The following SNTB1 variants were observed in gnomAD, a reference collection of about 807,000 sequenced individuals.
The protein encoded by SNTB1 is beta-1-syntrophin.
Under a neutral mutation model 48.9 loss-of-function variants are expected in SNTB1, and 36 were observed. That is an observed-to-expected ratio of 0.74 (90% CI 0.56 to 0.97). The LOEUF (loss-of-function observed/expected upper bound fraction) is 0.97, where lower values mean the gene tolerates loss of function less well. Ranked by LOEUF, SNTB1 falls within the 50% of genes least tolerant of loss-of-function variation. The probability of loss-of-function intolerance (pLI) is 0.00; values close to 1 mark genes in which losing one functional copy is unlikely to be tolerated. For synonymous variants in SNTB1, 299 were observed against 294.6 expected, an observed-to-expected ratio of 1.01 and a Z score of -0.15; for missense variants, 786 against 703.4, an observed-to-expected ratio of 1.12 and a Z score of -1.33.
intron 2 of SNTB1, among the ~76,000 whole-genome samples, chr8:120,647,429 T>TA (rs1172634712): frequency 6.7e-6 from 1 of 149,262 alleles, no homozygotes; most frequent in Non-Finnish European, 1.5e-5. Flanking sequence ...ATGTACCCAG[T>TA]AGTCATTCAG....
intron 3 of SNTB1, among the ~76,000 whole-genome samples, chr8:120,602,791 TTA>T (rs773482710): frequency 6.6e-6 from 1 of 150,622 alleles, no homozygotes; most frequent in African/African-American, 2.4e-5. Context: ...TTTTTAAAAA[TTA>T]TATATATAAA....
intron 4 of SNTB1, chr8:120,570,314 G>T (rs916716501): frequency 1.3e-5 from 2 of 152,136 alleles, no homozygotes; most frequent in Admixed American, 6.5e-5. Context: ...GTCACTCCTT[G>T]GACATTTGTT....
At chr8:120,603,723 G>C (rs954984610) in intron 3 of SNTB1, among the ~76,000 whole-genome samples, 1 of 152,148 alleles carries the variant, frequency 6.6e-6, no homozygotes, top group Non-Finnish European at 1.5e-5. Flanking sequence ...GGAAACTGCT[G>C]GGTCCTATGT....
intron 1 of SNTB1, among the ~76,000 whole-genome samples, chr8:120,781,627 C>A (rs568255019): frequency 2.0e-5 from 3 of 152,162 alleles, no homozygotes; most frequent in African/African-American, 7.2e-5. Flanking sequence ...CCCAGCATTC[C>A]TACTAGGTCT....
intron 1 of SNTB1, among the ~76,000 whole-genome samples, chr8:120,773,245 T>C (rs1819671850): frequency 6.6e-6 from 1 of 152,170 alleles, no homozygotes; most frequent in South Asian, 2.1e-4. Flanking sequence ...AGGCCGGGCA[T>C]GATGGTTCAT....
rs1381925836 is a variant in SNTB1, at chr8:120,548,910, A to G, written c.1185T>C (p.Asp395=). ...PGKGSPQAGV[D]LSFATRTGTR... ...TACCAGTTCGCGTTGCAAAGGACAG[A>G]TCCACACCAGCCTGGGGTGATCCCT... Residue 395 remains aspartate, a synonymous_variant, in exon 5 of 7, where the codon GAT becomes GAC. Transcript: ENST00000517992. 4 of 1,610,618 alleles carry G rather than the reference A, an allele frequency of 2.5e-6. No homozygotes were observed. The African/African-American group carries it at 4.0e-5, about 16-fold the overall frequency.
At chr8:120,677,063 C>CA (rs11398062) in intron 2 of SNTB1, among the ~76,000 whole-genome samples, 59,237 of 129,380 alleles carry the variant, frequency 0.46, 12,342 homozygotes, top group Middle Eastern at 0.51. Flanking sequence ...GACCCTATCT[C>CA]AAAAAAAAAA....
chr8:120,542,238 C>T (rs1383466820), intron 5 of SNTB1: 9 of 441,050 alleles, frequency 2.0e-5, no homozygotes, highest in Non-Finnish European at 3.2e-5. Context: ...TTTCTAGGAT[C>T]TACTGAATGT....
chr8:120,776,140 T>C (rs1441434501), intron 1 of SNTB1, among the ~76,000 whole-genome samples: 1 of 152,140 alleles, frequency 6.6e-6, no homozygotes, highest in Non-Finnish European at 1.5e-5. Flanking sequence ...CATGCACATG[T>C]GTGTTTATCA....
intron 1 of SNTB1, among the ~76,000 whole-genome samples, chr8:120,783,337 G>T (rs1819861488): frequency 6.6e-6 from 1 of 151,694 alleles, no homozygotes; most frequent in Non-Finnish European, 1.5e-5. Context: ...TTATAATATT[G>T]CTGCTTGGAC....
chr8:120,808,496 G>C (rs6997158), intron 1 of SNTB1, among the ~76,000 whole-genome samples: 3,380 of 152,288 alleles, frequency 0.022, 120 homozygotes, highest in African/African-American at 0.074. Flanking sequence ...GAAAAAGATA[G>C]AACTGTCCTT....
intron 3 of SNTB1, among the ~76,000 whole-genome samples, chr8:120,616,871 C>T (rs1170594523): frequency 6.6e-6 from 1 of 152,208 alleles, no homozygotes; most frequent in African/African-American, 2.4e-5. Context: ...AGGAGGTGCA[C>T]ACAACATTGC....
chr8:120,586,866 T>A (rs1463608914), intron 3 of SNTB1, among the ~76,000 whole-genome samples: 1 of 152,194 alleles, frequency 6.6e-6, no homozygotes, highest in Non-Finnish European at 1.5e-5. Flanking sequence ...GATAAAATAG[T>A]GACAATTGTT....
chr8:120,558,772 T>G (rs947688536), intron 4 of SNTB1, among the ~76,000 whole-genome samples: 4 of 152,182 alleles, frequency 2.6e-5, no homozygotes, highest in East Asian at 1.9e-4. Context: ...CATGGTGGTG[T>G]TGTGAAAATT....
chr8:120,577,895 C>T (rs1815976563), intron 3 of SNTB1, among the ~76,000 whole-genome samples: 1 of 152,136 alleles, frequency 6.6e-6, no homozygotes, highest in Non-Finnish European at 1.5e-5. Flanking sequence ...TGTGAGAATA[C>T]TTGGAGTGGG....
intron 1 of SNTB1, among the ~76,000 whole-genome samples, chr8:120,714,316 C>T (rs201591224): frequency 1.2e-3 from 177 of 152,276 alleles, no homozygotes; most frequent in Non-Finnish European, 2.0e-3. Flanking sequence ...ACAGTCAAAA[C>T]TTGTGGTGAC....
At chr8:120,764,478 G>C (rs1345690964) in intron 1 of SNTB1, among the ~76,000 whole-genome samples, 1 of 152,176 alleles carries the variant, frequency 6.6e-6, no homozygotes, top group Non-Finnish European at 1.5e-5. Flanking sequence ...TACTTCTAAA[G>C]ACAGGGGCTG....
chr8:120,695,616 T>C (rs1020760685), intron 1 of SNTB1, among the ~76,000 whole-genome samples: 27 of 152,188 alleles, frequency 1.8e-4, no homozygotes, highest in Middle Eastern at 6.8e-3. Flanking sequence ...TAAAATACCT[T>C]GGAAGAACCC....
intron 1 of SNTB1, among the ~76,000 whole-genome samples, chr8:120,756,576 C>T (rs1373992412): frequency 6.6e-6 from 1 of 152,066 alleles, no homozygotes; most frequent in East Asian, 1.9e-4. Flanking sequence ...AATGCCAAGA[C>T]ATTTAGCCAG....
Sources: allele counts gnomAD v4.1 joint callset (sites outside exome capture counted in the v4.1 genomes callset), GRCh38; gene constraint gnomAD v4.1.1; transcripts MANE v1.5; gene names NCBI Gene and HGNC (gene_info 2026-07-23, HGNC 2026-07-21).